Variants in RIC1 observed in about 807,000 individuals in gnomAD.
RIC1 encodes the protein RIC1 partner of RAB6A GEF complex.
A neutral mutation model predicts 169.0 loss-of-function variants in RIC1; 88 were observed. The ratio of observed to expected loss-of-function variants is 0.52; its 90% CI spans 0.44 to 0.62. The LOEUF (loss-of-function observed/expected upper bound fraction) is 0.62, where lower values mean the gene tolerates loss of function less well. Among genes scored for constraint, RIC1 ranks in the 20% least tolerant of loss-of-function variants. The pLI is 0.00. For missense variants in RIC1, 1,877 were observed against 1,725.5 expected (o/e 1.09, Z -1.56); for synonymous variants, 790 against 601.5 (o/e 1.31, Z -4.59).
chr9:5,642,234 C>G (rs531918339), intron 1 of RIC1, among the ~76,000 whole-genome samples: 1 of 145,086 alleles, frequency 6.9e-6, no homozygotes, highest in South Asian at 2.1e-4. Context: ...TTCTTCCAAA[C>G]AAATGGAGTC....
chr9:5,731,398 C>T (rs147947847), intron 6 of RIC1, among the ~76,000 whole-genome samples: 21 of 152,116 alleles, frequency 1.4e-4, no homozygotes, highest in East Asian at 3.9e-4. Flanking sequence ...GCAAAGATTC[C>T]GTGTTTAGAT....
intron 2 of RIC1, among the ~76,000 whole-genome samples, chr9:5,689,314 A>G (rs10815272): frequency 0.34 from 51,324 of 151,674 alleles, 9,491 homozygotes; most frequent in East Asian, 0.67. Context: ...GCCTCCCAAA[A>G]TACTGGGATT....
At chr9:5,734,787 T>C (rs1185678746) in intron 7 of RIC1, among the ~76,000 whole-genome samples, 1 of 152,232 alleles carries the variant, frequency 6.6e-6, no homozygotes, top group East Asian at 1.9e-4. Flanking sequence ...GTAGTTGTAA[T>C]CATTTTTTAA....
intron 6 of RIC1, among the ~76,000 whole-genome samples, chr9:5,729,535 A>C (rs531617995): frequency 3.3e-5 from 5 of 152,180 alleles, no homozygotes; most frequent in African/African-American, 1.2e-4. Context: ...GCCGCCTCCT[A>C]TTATTTTTGT....
At chr9:5,700,661 C>A (rs1470304258) in intron 3 of RIC1, among the ~76,000 whole-genome samples, 1 of 151,824 alleles carries the variant, frequency 6.6e-6, no homozygotes. Flanking sequence ...AAGCTTTGTA[C>A]CATTTCATGA....
At chr9:5,630,604 T>G (rs1460428570) in intron 1 of RIC1, among the ~76,000 whole-genome samples, 3 of 152,230 alleles carry the variant, frequency 2.0e-5, no homozygotes, top group Non-Finnish European at 4.4e-5. Context: ...ACTGTCATAG[T>G]TGGGCTGTAA....
chr9:5,738,032 T>C (rs981656165), intron 7 of RIC1, among the ~76,000 whole-genome samples: 17 of 152,050 alleles, frequency 1.1e-4, no homozygotes, highest in African/African-American at 3.9e-4. Flanking sequence ...TTCAGATCCA[T>C]GTTGTTCAAG....
intron 6 of RIC1, among the ~76,000 whole-genome samples, chr9:5,722,679 T>G (rs1029492636): frequency 3.9e-5 from 6 of 152,056 alleles, no homozygotes; most frequent in Non-Finnish European, 7.4e-5. Flanking sequence ...TTACATTAGG[T>G]ATATCTCCTA....
intron 2 of RIC1, among the ~76,000 whole-genome samples, chr9:5,672,760 G>GA (rs758018114): frequency 6.6e-6 from 1 of 152,066 alleles, no homozygotes; most frequent in Non-Finnish European, 1.5e-5. Flanking sequence ...AAAGTTTAAT[G>GA]AAAAAACGTA....
chr9:5,680,418 A>G (rs999720111), intron 2 of RIC1, among the ~76,000 whole-genome samples: 1 of 152,204 alleles, frequency 6.6e-6, no homozygotes, highest in Non-Finnish European at 1.5e-5. Context: ...AAGGAATGGT[A>G]CCATCTCTTC....
At chr9:5,721,801 C>G (rs967688781) in intron 6 of RIC1, among the ~76,000 whole-genome samples, 1 of 152,048 alleles carries the variant, frequency 6.6e-6, no homozygotes, top group East Asian at 1.9e-4. Flanking sequence ...GTACTTATCT[C>G]TTACTCAACC....
intron 2 of RIC1, among the ~76,000 whole-genome samples, chr9:5,685,643 T>G (rs1270546092): frequency 1.3e-5 from 2 of 151,668 alleles, no homozygotes; most frequent in Non-Finnish European, 2.9e-5. Flanking sequence ...GATTAAAGAT[T>G]TAAATGTTAG....
intron 7 of RIC1, 64 bp from the exon 8 acceptor site, chr9:5,738,386 A>C: frequency 8.9e-7 from 1 of 1,124,570 alleles, no homozygotes; most frequent in Non-Finnish European, 1.3e-6. Context: ...TAAGAGTTCT[A>C]TAATGCTTTT....
At chr9:5,682,259 G>T (rs1820896014) in intron 2 of RIC1, among the ~76,000 whole-genome samples, 1 of 152,136 alleles carries the variant, frequency 6.6e-6, no homozygotes, top group Non-Finnish European at 1.5e-5. Context: ...AGCCTTGATG[G>T]TCTTTACAAT....
intron 12 of RIC1, among the ~76,000 whole-genome samples, chr9:5,749,233 C>T (rs756057590): frequency 1.9e-4 from 29 of 152,192 alleles, no homozygotes; most frequent in Non-Finnish European, 3.5e-4. Context: ...TCACATAATA[C>T]ACCACTGACC....
At chr9:5,671,502 C>T (rs1348390705) in intron 2 of RIC1, among the ~76,000 whole-genome samples, 1 of 144,176 alleles carries the variant, frequency 6.9e-6, no homozygotes, top group Non-Finnish European at 1.5e-5. Context: ...TCTCTAACTC[C>T]TGACCTCAGG....
At chr9:5,731,601 A>G (rs1001087886) in intron 6 of RIC1, among the ~76,000 whole-genome samples, 2 of 152,158 alleles carry the variant, frequency 1.3e-5, no homozygotes, top group African/African-American at 4.8e-5. Flanking sequence ...ATCATCTAAA[A>G]TGTCTGTGAT....
intron 1 of RIC1, among the ~76,000 whole-genome samples, chr9:5,638,218 C>A (rs115503729): frequency 6.6e-6 from 1 of 152,118 alleles, no homozygotes; most frequent in Non-Finnish European, 1.5e-5. Context: ...GATGAATGAT[C>A]TTTTTAATAT....
chr9:5,743,856 G>T (rs1030948277), intron 10 of RIC1, 119 bp downstream of exon 10: 53 of 731,350 alleles, frequency 7.2e-5, no homozygotes, highest in Admixed American at 5.7e-4. Context: ...TGTCACCCAG[G>T]TTGGAGAGCA....
Sources: gnomAD v4.1 joint callset for allele counts (sites outside exome capture counted in the v4.1 genomes callset) on GRCh38, gnomAD v4.1.1 for gene constraint, MANE v1.5 for transcripts, NCBI Gene and HGNC (gene_info 2026-07-23, HGNC 2026-07-21) for gene names.